ZFYVE26: variants seen among roughly 807,000 people sequenced by gnomAD.
ZFYVE26 encodes zinc finger FYVE-type containing 26, also known as zinc finger FYVE domain-containing protein 26.
A neutral mutation model predicts 276.5 loss-of-function variants in ZFYVE26; 181 were observed. The observed-to-expected ratio is 0.65, with a 90% CI of 0.58 to 0.74. The LOEUF is 0.74. ZFYVE26 is among the 30% of genes least tolerant of loss of function. The pLI, the probability that ZFYVE26 is intolerant of heterozygous loss-of-function variation, is 0.00. For missense variants in ZFYVE26, 2,821 were observed against 3,097.9 expected (o/e 0.91, Z 2.12); for synonymous variants, 1,129 against 1,203.1 (o/e 0.94, Z 1.27).
chr14:67,733,766 T>G lies in ZFYVE26; in HGVS notation n.2680-3947A>C, dbSNP rs61740289. 5.1e-5 allele frequency: 83 copies of G among 1,613,184 alleles called. No homozygotes were observed. The African/African-American group carries it at 1.0e-3, about 20-fold the overall frequency. ...TCCAGTGACTGCAAGAGGACCTGGG[T>G]GTCTCCAAGGGCCCGAAATAACAAA... On this transcript the variant is annotated intron_variant and non_coding_transcript_variant, in intron 13 of 14. Transcript: ENST00000394455.
At chr14:67,783,961 T>C (rs1415982541) in intron 20 of ZFYVE26, among the ~76,000 whole-genome samples, 1 of 152,222 alleles carries the variant, frequency 6.6e-6, no homozygotes, top group East Asian at 1.9e-4. Flanking sequence ...GAATTTGCAA[T>C]TTTAATAAAT....
chr14:67,761,764 A>T (rs1022402799), intron 34 of ZFYVE26, 180 bp from the exon 35 acceptor site: 3 of 492,794 alleles, frequency 6.1e-6, no homozygotes, highest in South Asian at 4.3e-5. Flanking sequence ...ATAAAAAAAT[A>T]AAAAAACAAA....
rs1594900921 is a variant in ZFYVE26, at chr14:67,772,105, C to T, written c.5426G>A (p.Trp1809Ter). The T allele has an allele frequency of 2.5e-6, 4 of 1,612,794 alleles. No homozygotes were observed. Among genetic ancestry groups the T allele is most frequent in the Non-Finnish European group, 3.4e-6 (4 of 1,179,674 alleles). The change falls in exon 28 of 42, where the codon TGG (tryptophan) becomes TAG (stop). Residue 1809 changes from tryptophan (W) to a stop codon, truncating the protein, a stop_gained. Coordinates refer to ENST00000347230, the MANE Select transcript of ZFYVE26 (RefSeq NM_015346.4). LOFTEE classifies it high-confidence loss of function. Reference sequence around the variant, plus strand: ...GATACTCTCAGTCTCATCCGGTACCCACTGGTGCCTGGCAGGGGGTGTCGC... The same window carrying T: ...GATACTCTCAGTCTCATCCGGTACCTACTGGTGCCTGGCAGGGGGTGTCGC... ...PPATPPARHQ[W>*]VPDETESICM...
intron 13 of ZFYVE26, chr14:67,733,966 T>C (rs1054448362): frequency 5.6e-6 from 4 of 717,918 alleles, no homozygotes; most frequent in Non-Finnish European, 9.9e-6. Flanking sequence ...GAATCCTGCC[T>C]GCTCTGATCC....
At chr14:67,812,400 C>G (rs560733705) in intron 3 of ZFYVE26, among the ~76,000 whole-genome samples, 112 of 152,210 alleles carry the variant, frequency 7.4e-4, no homozygotes, top group African/African-American at 2.6e-3. Flanking sequence ...ACTATTTCAT[C>G]TAATAATTAA....
chr14:67,730,714 C>T lies in ZFYVE26; in HGVS notation n.2680-895G>A, dbSNP rs571372008. On this transcript the variant is annotated intron_variant and non_coding_transcript_variant, in intron 13 of 14. Transcript: ENST00000394455. ...AGCCTCCTGGGTTCAAGCGATTCTC[C>T]TGACTCAGCCTCCTGAGTAGCTGGG... 2.6e-5 allele frequency among the ~76,000 whole-genome samples: 4 copies of T among 152,264 alleles called. No homozygotes were observed. The East Asian group carries it at 7.7e-4, about 29-fold the overall frequency.
intron 27 of ZFYVE26, among the ~76,000 whole-genome samples, chr14:67,773,573 C>CACACACACA (rs1228440716): frequency 4.7e-5 from 4 of 85,228 alleles, no homozygotes; most frequent in Non-Finnish European, 1.1e-4. Flanking sequence ...ACACACACAC[C>CACACACACA]CCAAAGCTGC....
At chr14:67,802,359 G>A in intron 9 of ZFYVE26, 77 bp from the exon 10 acceptor site, 1 of 1,449,998 alleles carries the variant, frequency 6.9e-7, no homozygotes, top group Non-Finnish European at 9.6e-7. Context: ...GCAAAGAGAT[G>A]CTGTGCCATA....
intron 26 of ZFYVE26, 98 bp downstream of exon 26, chr14:67,775,762 C>A: frequency 1.3e-6 from 2 of 1,585,372 alleles, no homozygotes; most frequent in Non-Finnish European, 8.6e-7. Context: ...CACTCTAGAT[C>A]AACCCAAAAT....
At chr14:67,790,800 C>CCA in intron 14 of ZFYVE26, 27 bp from the exon 15 acceptor site, 1 of 1,589,628 alleles carries the variant, frequency 6.3e-7, no homozygotes, top group Non-Finnish European at 8.6e-7. Flanking sequence ...AGTGTGTGGG[C>CCA]CCTGGTGGTC....
rs147405960 is a variant in ZFYVE26, at chr14:67,731,340, G to A, written n.2680-1521C>T. Among the ~76,000 whole-genome samples, 500 of 149,536 alleles carry A rather than the reference G, an allele frequency of 3.3e-3. 2 individuals carry two copies. Among genetic ancestry groups the A allele is most frequent in the African/African-American group, 0.012 (481 of 40,584 alleles). On this transcript the variant is annotated intron_variant and non_coding_transcript_variant, in intron 13 of 14. Transcript: ENST00000394455. ...AGGGATCCTCCTGCCTCAGCCTCCC[G>A]AGTAGCTGGGATTACAGGTGCATGC... is the stretch of plus-strand genomic sequence containing the variant.
At chr14:67,758,538 CA>C (rs1381479788) in intron 35 of ZFYVE26, among the ~76,000 whole-genome samples, 17 of 152,266 alleles carry the variant, frequency 1.1e-4, no homozygotes, top group Non-Finnish European at 2.2e-4. Flanking sequence ...AATGCAGTAC[CA>C]GGGGCAATGG....
At position 67,751,138 on chromosome 14, in the gene ZFYVE26, C is replaced by T. The variant is rs79826935; in HGVS notation, c.7372-42G>A. Reference sequence around the variant, plus strand: ...CAGCACTGTGAGAGGGAGAAGAGTCCCGCAGTCTGGGAGCCAGGGCCCAAC... The same window carrying T: ...CAGCACTGTGAGAGGGAGAAGAGTCTCGCAGTCTGGGAGCCAGGGCCCAAC... On this transcript the variant is annotated intron_variant, in intron 40 of 41. Coordinates refer to ENST00000347230, the MANE Select transcript of ZFYVE26 (RefSeq NM_015346.4). The T allele has an allele frequency of 3.5e-3, 5,639 of 1,613,100 alleles. 262 individuals carry two copies. In the East Asian group the frequency reaches 0.093, roughly 27 times the overall value.
At chr14:67,775,447 T>C (rs2039317128) in intron 26 of ZFYVE26, among the ~76,000 whole-genome samples, 2 of 152,150 alleles carry the variant, frequency 1.3e-5, no homozygotes, top group African/African-American at 4.8e-5. Context: ...GCTGGGAACA[T>C]CAGTCCATAC....
At chr14:67,732,869 C>T in intron 13 of ZFYVE26, among the ~76,000 whole-genome samples, 1 of 152,180 alleles carries the variant, frequency 6.6e-6, no homozygotes, top group East Asian at 1.9e-4. Flanking sequence ...GTGTGAGCCA[C>T]CGTGCCCAGC....
intron 29 of ZFYVE26, 139 bp downstream of exon 29, chr14:67,769,455 A>T: frequency 7.7e-7 from 1 of 1,291,846 alleles, no homozygotes; most frequent in Non-Finnish European, 1.1e-6. Context: ...CCTTCAGTGT[A>T]GAGTTAATGG....
chr14:67,810,388 T>G (rs953386110), intron 3 of ZFYVE26, among the ~76,000 whole-genome samples: 2 of 152,202 alleles, frequency 1.3e-5, no homozygotes, highest in Admixed American at 6.5e-5. Flanking sequence ...AATCCAATGT[T>G]TATTAAACAC....
At chr14:67,756,385 C>T (rs1594886443) in intron 35 of ZFYVE26, 1 of 560,756 alleles carries the variant, frequency 1.8e-6, no homozygotes, top group South Asian at 2.0e-5. Flanking sequence ...TCTCCAATTC[C>T]CTCCTGTGAT....
At chr14:67,788,512 C>T (rs2039716352) in intron 16 of ZFYVE26, among the ~76,000 whole-genome samples, 1 of 152,188 alleles carries the variant, frequency 6.6e-6, no homozygotes, top group Non-Finnish European at 1.5e-5. Flanking sequence ...ATAGGCATGC[C>T]CTGTGTAGCC....
Sources: allele counts gnomAD v4.1 joint callset (sites outside exome capture counted in the v4.1 genomes callset), GRCh38; gene constraint gnomAD v4.1.1; transcripts MANE v1.5; gene names NCBI Gene and HGNC (gene_info 2026-07-23, HGNC 2026-07-21).